SHANK2: variants seen among roughly 807,000 people sequenced by gnomAD.
SHANK2 encodes the protein SH3 and multiple ankyrin repeat domains 2, also known as SH3 and multiple ankyrin repeat domains protein 2.
SHANK2 carries 43 observed loss-of-function variants against 133.7 expected under a neutral mutation model. The ratio of observed to expected loss-of-function variants is 0.32; its 90% CI spans 0.25 to 0.41. The LOEUF is 0.41. Ranked by LOEUF, SHANK2 falls within the 10% of genes least tolerant of loss-of-function variation. The pLI is 1.00. For synonymous variants in SHANK2, 1,017 were observed against 952.8 expected (o/e 1.07, Z -1.24); for missense variants, 1,994 against 2,235.8 (o/e 0.89, Z 2.18).
chr11:70,699,447 G>A (rs1357601133), intron 14 of SHANK2, among the ~76,000 whole-genome samples: 3 of 152,082 alleles, frequency 2.0e-5, no homozygotes, highest in Non-Finnish European at 2.9e-5. Context: ...AGCAGCTCAC[G>A]AGTTCCTGTT....
At chr11:70,674,110 C>T (rs1359131193) in intron 15 of SHANK2, among the ~76,000 whole-genome samples, 1 of 152,182 alleles carries the variant, frequency 6.6e-6, no homozygotes, top group Non-Finnish European at 1.5e-5. Context: ...CTTTCCTCTT[C>T]TCTCTCTTTC....
At chr11:71,198,105 C>A (rs1278727663) in intron 2 of SHANK2, among the ~76,000 whole-genome samples, 3 of 152,152 alleles carry the variant, frequency 2.0e-5, no homozygotes, top group African/African-American at 7.2e-5. Flanking sequence ...TGCATTTTTG[C>A]CTTGCTTTTA....
At chr11:70,489,952 G>A (rs1339792153) in intron 23 of SHANK2, 1 of 375,144 alleles carries the variant, frequency 2.7e-6, no homozygotes, top group Non-Finnish European at 5.1e-6. Flanking sequence ...GGGTGGGGGA[G>A]GGGGGTTGGC....
At position 71,094,855 on chromosome 11, in the gene SHANK2, G is replaced by A. The variant is rs541529398; in HGVS notation, c.593-167C>T. On this transcript the variant is annotated intron_variant, in intron 6 of 25. Transcript: ENST00000601538. ...AACCCCAAGAGTCCAGGCGGGCAGC[G>A]TGGCTCAGGCACCCCCGTGCGATGC... Among the ~76,000 whole-genome samples, 10 of 152,376 alleles carry A rather than the reference G, an allele frequency of 6.6e-5. No individual in the cohort carries two copies. In the Middle Eastern group the frequency reaches 0.017, roughly 259 times the overall value.
intron 14 of SHANK2, among the ~76,000 whole-genome samples, chr11:70,783,704 T>C (rs1333056153): frequency 1.3e-5 from 2 of 151,606 alleles, no homozygotes; most frequent in East Asian, 3.9e-4. Flanking sequence ...CTGGGTGGGG[T>C]TGGGGGTGCT....
At chr11:71,137,299 TAAAA>T (rs10534209) in intron 3 of SHANK2, among the ~76,000 whole-genome samples, 22 of 112,734 alleles carry the variant, frequency 2.0e-4, no homozygotes, top group African/African-American at 5.7e-4. Flanking sequence ...AATCCTTACT[TAAAA>T]AAAAAAAAAA....
intron 11 of SHANK2, chr11:70,863,160 T>A: frequency 2.8e-6 from 1 of 360,842 alleles, no homozygotes; most frequent in South Asian, 2.0e-5. Flanking sequence ...CAAAAATAAT[T>A]TGTAGGCCAG....
chr11:70,539,181 A>G (rs1320558446), intron 17 of SHANK2, among the ~76,000 whole-genome samples: 1 of 152,160 alleles, frequency 6.6e-6, no homozygotes, highest in Non-Finnish European at 1.5e-5. Context: ...GAGAGGCCGG[A>G]TGGCAGAGCG....
intron 11 of SHANK2, among the ~76,000 whole-genome samples, chr11:70,824,865 G>C (rs1301277662): frequency 4.6e-5 from 7 of 152,206 alleles, no homozygotes; most frequent in African/African-American, 1.4e-4. Context: ...CAGTCTCAGA[G>C]AGCGATTATC....
intron 14 of SHANK2, among the ~76,000 whole-genome samples, chr11:70,771,212 C>G (rs1327292886): frequency 6.6e-6 from 1 of 152,166 alleles, no homozygotes; most frequent in Non-Finnish European, 1.5e-5. Context: ...CAGGCATGAC[C>G]CACGGCCTTC....
rs1340026221 is a variant in SHANK2 at position 71,170,762 on chromosome 11, G to A, written c.-12-23424C>T. The stretch of plus-strand genomic sequence containing the variant: ...GGTCTCCAAAGAGGCAAGGAGCTGG[G>A]ACGCTCCCAGGTGCCAGGAGGAAGC... On this transcript the variant is annotated intron_variant, in intron 2 of 25. Coordinates refer to ENST00000601538, the MANE Select transcript of SHANK2 (RefSeq NM_012309.5). Among the ~76,000 whole-genome samples, 3 of 152,206 alleles carry A rather than the reference G, an allele frequency of 2.0e-5. No homozygotes were observed. In the East Asian group the frequency reaches 5.8e-4, roughly 29 times the overall value.
chr11:70,770,915 CTTTTTTTTTTTTTT>C lies in SHANK2; in HGVS notation c.1777+27514_1777+27527del, dbSNP rs71467419. On this transcript the variant is annotated intron_variant, in intron 14 of 25. Coordinates refer to ENST00000601538, the MANE Select transcript of SHANK2 (RefSeq NM_012309.5). ...TCTCTCCTTCCCTCCCTCTTACTTCCTTTTTTTTTTTTTTTTTTTTTTTTTTTTTGACAGGGTCT... is the reference window on the plus strand; with the variant it reads ...TCTCTCCTTCCCTCCCTCTTACTTCCTTTTTTTTTTTTTTTGACAGGGTCT... Among the ~76,000 whole-genome samples, 826 of 92,878 alleles carry C rather than the reference CTTTTTTTTTTTTTT, an allele frequency of 8.9e-3. 9 individuals are homozygous for C. Among genetic ancestry groups the C allele is most frequent in the African/African-American group, 0.036 (749 of 20,854 alleles). The allele number at this position is 92,878 out of a possible 152,430, so 60.9% of individuals were successfully genotyped here.
rs1949033635 is a variant in SHANK2, at chr11:70,848,511, T to C, written c.1175-27829A>G. ...CAAACAAAGCTAAGGGGCTTTTTTA[T>C]TGCAGGCCTTACCAGGACCTTAAAG... On this transcript the variant is annotated intron_variant, in intron 11 of 25. Transcript: ENST00000601538. 2.0e-5 allele frequency among the ~76,000 whole-genome samples: 3 copies of C among 152,330 alleles called. No homozygotes were observed. The South Asian group carries it at 6.2e-4, about 32-fold the overall frequency.
intron 13 of SHANK2, 99 bp from the exon 14 acceptor site, chr11:70,798,655 G>T (rs530227822): frequency 1.5e-6 from 1 of 678,572 alleles, no homozygotes; most frequent in African/African-American, 1.8e-5. Context: ...GAGAATCAGC[G>T]CACCCCTGGC....
At chr11:71,091,518 C>T (rs1332423029) in intron 8 of SHANK2, among the ~76,000 whole-genome samples, 1 of 152,140 alleles carries the variant, frequency 6.6e-6, no homozygotes, top group Non-Finnish European at 1.5e-5. Flanking sequence ...AGTCAGGGCC[C>T]TCTGTCCTTG....
At chr11:70,792,023 C>A (rs1555048110) in intron 14 of SHANK2, among the ~76,000 whole-genome samples, 1 of 152,214 alleles carries the variant, frequency 6.6e-6, no homozygotes, top group African/African-American at 2.4e-5. Context: ...GCATAACTAC[C>A]AAACTATTCA....
At chr11:71,094,783 A>C in intron 6 of SHANK2, 95 bp from the exon 7 acceptor site, 10 of 1,295,588 alleles carry the variant, frequency 7.7e-6, no homozygotes, top group South Asian at 3.0e-5. Context: ...GAAAGAACTG[A>C]CTCCCCTCCT....
intron 17 of SHANK2, 138 bp from the exon 18 acceptor site, chr11:70,503,069 T>C: frequency 1.1e-6 from 1 of 949,712 alleles, no homozygotes; most frequent in Non-Finnish European, 1.7e-6. Flanking sequence ...ACCGTCATCT[T>C]TTTGGAAGCA....
At position 70,739,932 on chromosome 11, in the gene SHANK2, C is replaced by T. The variant is rs1041283370; in HGVS notation, c.1778-41169G>A. ...TCCCGAATCCTGGCATTCGGTGGCA[C>T]GCAGGTAGGGCACAGAAGTCCAGCT... On this transcript the variant is annotated intron_variant, in intron 14 of 25. Coordinates refer to ENST00000601538, the MANE Select transcript of SHANK2 (RefSeq NM_012309.5). This position sits in a 1 kb window ranked among gnomAD's most constrained non-coding sequence, Gnocchi z 4.3. Among the ~76,000 whole-genome samples, 22 of 152,304 alleles carry T rather than the reference C, an allele frequency of 1.4e-4. No homozygotes were observed. Among genetic ancestry groups the T allele is most frequent in the Middle Eastern group, 3.4e-3 (1 of 294 alleles).
Sources: gnomAD v4.1 joint callset for allele counts (sites outside exome capture counted in the v4.1 genomes callset) on GRCh38, gnomAD v4.1.1 for gene constraint, Gnocchi (gnomAD v3.1) non-coding constraint, MANE v1.5 for transcripts, NCBI Gene and HGNC (gene_info 2026-07-23, HGNC 2026-07-21) for gene names.